The following CDK14 variants were observed in gnomAD, a reference collection of about 807,000 sequenced individuals.
CDK14 encodes cyclin-dependent kinase 14.
CDK14 carries 34 observed loss-of-function variants against 60.7 expected under a neutral mutation model. The ratio of observed to expected loss-of-function variants is 0.56; its 90% CI spans 0.43 to 0.75. The LOEUF (loss-of-function observed/expected upper bound fraction) is 0.75. Among genes scored for constraint, CDK14 ranks in the 30% least tolerant of loss-of-function variants. The pLI, the probability that CDK14 is intolerant of heterozygous loss-of-function variation, is 0.00. For synonymous variants in CDK14, 197 were observed against 203.7 expected (o/e 0.97, Z 0.28); for missense variants, 482 against 564.1 (o/e 0.85, Z 1.47).
intron 2 of CDK14, among the ~76,000 whole-genome samples, chr7:90,635,293 C>G (rs1228005723): frequency 6.6e-6 from 1 of 152,176 alleles, no homozygotes; most frequent in African/African-American, 2.4e-5. Flanking sequence ...TTTAATCCAT[C>G]TTGAATTAAT....
intron 14 of CDK14, among the ~76,000 whole-genome samples, chr7:91,173,332 T>C (rs963774370): frequency 1.1e-4 from 16 of 151,930 alleles, no homozygotes; most frequent in African/African-American, 3.9e-4. Context: ...GATGGCACAC[T>C]CCTGTCATCC....
chr7:90,756,761 C>G (rs1390956728), intron 4 of CDK14, among the ~76,000 whole-genome samples: 3 of 152,216 alleles, frequency 2.0e-5, no homozygotes, highest in African/African-American at 7.2e-5. Flanking sequence ...CCTCACCATT[C>G]TCTCATAAAT....
Position 91,057,358 on chromosome 7 carries a change from C to T in CDK14, c.1105+11398C>T, listed in dbSNP as rs1797608878. ...AATTTTCTCCGATGCTGTAGGTTGC[C>T]TGTTCACTCTGATGGGAGTTTCTTT... On this transcript the variant is annotated intron_variant, in intron 11 of 14. Transcript: ENST00000380050. 5.3e-5 allele frequency among the ~76,000 whole-genome samples: 8 copies of T among 152,066 alleles called. No homozygotes were observed. The South Asian group carries it at 1.4e-3, about 28-fold the overall frequency.
intron 4 of CDK14, among the ~76,000 whole-genome samples, chr7:90,773,731 A>C (rs1207621554): frequency 8.6e-5 from 13 of 152,022 alleles, no homozygotes; most frequent in Non-Finnish European, 1.5e-4. Flanking sequence ...GTATAAAACC[A>C]GTTCATTCAA....
At chr7:91,164,531 G>A (rs1401280586) in intron 14 of CDK14, among the ~76,000 whole-genome samples, 1 of 152,226 alleles carries the variant, frequency 6.6e-6, no homozygotes, top group Non-Finnish European at 1.5e-5. Context: ...TAGGAAGTAA[G>A]GAGGATGAAA....
In CDK14 at chr7:91,198,019, G is replaced by C. The variant is rs139866162; in HGVS notation, c.*29-9146G>C. Among the ~76,000 whole-genome samples the C allele has an allele frequency of 5.7e-3, 871 of 152,310 alleles. 6 individuals carry two copies. Among genetic ancestry groups the C allele is most frequent in the African/African-American group, 0.02 (817 of 41,568 alleles). Reference sequence around the variant, plus strand: ...GCAGGTACATGGGAGGGAGTTGGCAGGGGGCTTAGCGAGCTGTCTAGCACC... The same window carrying C: ...GCAGGTACATGGGAGGGAGTTGGCACGGGGCTTAGCGAGCTGTCTAGCACC... On this transcript the variant is annotated intron_variant, in intron 14 of 14. Transcript: ENST00000380050.
rs556817626 is a variant in CDK14, at chr7:90,660,862, A to C, written c.123+56613A>C. ...TGAAGTGTGACTATTTGGCCCTCCCATGGAAATGCATACACTGACCACATG... is the reference window on the plus strand; with the variant it reads ...TGAAGTGTGACTATTTGGCCCTCCCCTGGAAATGCATACACTGACCACATG... On this transcript the variant is annotated intron_variant, in intron 2 of 14. Transcript: ENST00000380050. 2.2e-4 allele frequency among the ~76,000 whole-genome samples: 33 copies of C among 152,262 alleles called. No individual in the cohort carries two copies. The East Asian group carries it at 5.8e-3, about 27-fold the overall frequency.
chr7:91,086,402 G>A (rs1455106957), intron 12 of CDK14, among the ~76,000 whole-genome samples: 1 of 152,072 alleles, frequency 6.6e-6, no homozygotes, highest in Non-Finnish European at 1.5e-5. Flanking sequence ...TCCTTCTTGT[G>A]TTGTCTCTCT....
rs1307732285 is a variant in CDK14 at position 91,109,128 on chromosome 7, A to G, written c.1155-3414A>G. 3.9e-5 allele frequency among the ~76,000 whole-genome samples: 6 copies of G among 152,260 alleles called. No homozygotes were observed. The South Asian group carries it at 8.3e-4, about 21-fold the overall frequency. On this transcript the variant is annotated intron_variant, in intron 12 of 14. Transcript: ENST00000380050. ...ATTGTTTGAAATGTGATTGTTGTCTATCTCTTCCCAACCTCTCTTGCAAAA... is the reference window on the plus strand; with the variant it reads ...ATTGTTTGAAATGTGATTGTTGTCTGTCTCTTCCCAACCTCTCTTGCAAAA...
chr7:90,735,441 A>G (rs1803055387), intron 3 of CDK14, among the ~76,000 whole-genome samples: 1 of 152,156 alleles, frequency 6.6e-6, no homozygotes, highest in African/African-American at 2.4e-5. Flanking sequence ...GCTCTGTCCC[A>G]GGGAGATGGG....
intron 5 of CDK14, among the ~76,000 whole-genome samples, chr7:90,842,601 A>T (rs1191903070): frequency 6.6e-6 from 1 of 152,096 alleles, no homozygotes; most frequent in East Asian, 1.9e-4. Flanking sequence ...AGTAAAACCC[A>T]CACATCTATG....
intron 6 of CDK14, among the ~76,000 whole-genome samples, chr7:90,864,248 T>C (rs970145593): frequency 6.6e-6 from 1 of 152,196 alleles, no homozygotes; most frequent in Non-Finnish European, 1.5e-5. Flanking sequence ...ATATAAATGA[T>C]AGATACATTT....
chr7:91,189,351 T>C (rs1802285137), intron 14 of CDK14, among the ~76,000 whole-genome samples: 1 of 152,172 alleles, frequency 6.6e-6, no homozygotes, highest in South Asian at 2.1e-4. Flanking sequence ...ATACAAATAA[T>C]AAATGCATTC....
chr7:90,767,530 C>T (rs182404644), intron 4 of CDK14, among the ~76,000 whole-genome samples: 3 of 152,218 alleles, frequency 2.0e-5, no homozygotes, highest in East Asian at 1.9e-4. Flanking sequence ...TGAAATAGAG[C>T]GCTCACTGCT....
intron 2 of CDK14, among the ~76,000 whole-genome samples, chr7:90,639,373 T>C (rs1392730198): frequency 6.6e-6 from 1 of 152,060 alleles, no homozygotes; most frequent in African/African-American, 2.4e-5. Context: ...GCAGGTCTGT[T>C]GGAGTTTGCT....
chr7:90,665,748 G>A (rs899477079), intron 2 of CDK14, among the ~76,000 whole-genome samples: 2 of 152,158 alleles, frequency 1.3e-5, no homozygotes, highest in Non-Finnish European at 2.9e-5. Flanking sequence ...TGCATTTGCA[G>A]CCCCTAATAG....
chr7:91,172,947 G>A (rs767124), intron 14 of CDK14, among the ~76,000 whole-genome samples: 7,141 of 152,112 alleles, frequency 0.047, 542 homozygotes, highest in African/African-American at 0.16. Flanking sequence ...GTTTTTGAAC[G>A]AGGATGAAGG....
intron 10 of CDK14, among the ~76,000 whole-genome samples, chr7:91,010,280 G>A (rs1276237229): frequency 2.0e-5 from 3 of 151,850 alleles, no homozygotes; most frequent in African/African-American, 7.2e-5. Context: ...ATAATCTGCT[G>A]ATCAGTTACT....
chr7:90,919,459 A>C (rs1355920759), intron 8 of CDK14, among the ~76,000 whole-genome samples: 1 of 152,140 alleles, frequency 6.6e-6, no homozygotes, highest in East Asian at 1.9e-4. Flanking sequence ...ATTCAAAACC[A>C]AATTGAAATA....
Sources: gnomAD v4.1 joint callset for allele counts (sites outside exome capture counted in the v4.1 genomes callset) on GRCh38, gnomAD v4.1.1 for gene constraint, MANE v1.5 for transcripts, NCBI Gene and HGNC (gene_info 2026-07-23, HGNC 2026-07-21) for gene names.